Variants in PPFIA4 observed in about 807,000 individuals in gnomAD.
The protein encoded by PPFIA4 is PPFI scaffold protein A4, also known as liprin-alpha-4.
A neutral mutation model predicts 145.7 loss-of-function variants in PPFIA4; 98 were observed. That is an observed-to-expected ratio of 0.67 (90% CI 0.57 to 0.80). PPFIA4 has a LOEUF of 0.80. PPFIA4 is among the 30% of genes least tolerant of loss of function. PPFIA4 has a pLI of 0.00. For synonymous variants in PPFIA4, 628 were observed against 649.6 expected, an observed-to-expected ratio of 0.97 and a Z score of 0.51; for missense variants, 1,457 against 1,632.7, an observed-to-expected ratio of 0.89 and a Z score of 1.85.
At position 203,048,836 on chromosome 1, in the gene PPFIA4, G is replaced by T. The variant is rs1660281893; in HGVS notation, c.1357-82G>T. 6.5e-7 allele frequency: 1 copy of T among 1,532,182 alleles called. No individual in the cohort carries two copies. Among genetic ancestry groups the T allele is most frequent in the South Asian group, 1.2e-5 (1 of 81,986 alleles). The allele number at this position is 1,532,182 out of a possible 1,614,324, so 94.9% of individuals were successfully genotyped here. A position where few individuals can be genotyped will look rare whatever the true frequency, so the allele number is the denominator to read the frequency against. On this transcript the variant is annotated intron_variant, in intron 11 of 29. Coordinates refer to ENST00000295706, the MANE Select transcript of PPFIA4 (RefSeq NM_001304331.2). The surrounding 1 kb of genome is among the most constrained non-coding windows in gnomAD (Gnocchi z 5.8). The stretch of plus-strand genomic sequence containing the variant: ...GGTGGGTGGCCAGCCTGGAGAGGTG[G>T]GGCTGAGACTGCACACCCAGAGGCT...
chr1:203,035,664 C>T (rs1001943213), intron 1 of PPFIA4: 8 of 456,566 alleles, frequency 1.8e-5, no homozygotes, highest in African/African-American at 4.0e-5. Flanking sequence ...AGAAATTGTG[C>T]GGGAGTTGAG....
At chr1:203,033,714 C>T (rs1220015046) in intron 1 of PPFIA4, among the ~76,000 whole-genome samples, 2 of 152,112 alleles carry the variant, frequency 1.3e-5, no homozygotes, top group African/African-American at 2.4e-5. Context: ...TGTGGTGGCT[C>T]ACACCTATAA....
intron 2 of PPFIA4, among the ~76,000 whole-genome samples, chr1:203,042,437 T>C (rs1252156298): frequency 6.6e-6 from 1 of 152,098 alleles, no homozygotes; most frequent in East Asian, 1.9e-4. Context: ...AGCCCTTGCT[T>C]GGTTGAGCAG....
In PPFIA4 at chr1:203,039,056, C is replaced by T. The variant is rs1659500864; in HGVS notation, c.48C>T (p.Pro16=). ...TCAATGAGGGGGACCGCCTGGGTCC[C>T]CCTCATGGCGCCGATGCTGACGCCA... ...PTINEGDRLG[P]PHGADADANF... Residue 16 remains proline, a synonymous_variant, in exon 2 of 30, where the codon CCC becomes CCT. Transcript: ENST00000295706. The T allele has an allele frequency of 6.3e-7, 1 of 1,599,728 alleles. No homozygotes were observed. Among genetic ancestry groups the T allele is most frequent in the Non-Finnish European group, 8.5e-7 (1 of 1,173,834 alleles).
chr1:203,061,471 C>T (rs1036100552), intron 23 of PPFIA4, 181 bp from the exon 24 acceptor site: 12 of 596,942 alleles, frequency 2.0e-5, no homozygotes, highest in Admixed American at 7.2e-5. Flanking sequence ...CCCACCTCAA[C>T]GCAAACATGG....
intron 13 of PPFIA4, among the ~76,000 whole-genome samples, chr1:203,050,335 G>T (rs1660414727): frequency 6.6e-6 from 1 of 152,302 alleles, no homozygotes; most frequent in Non-Finnish European, 1.5e-5. Flanking sequence ...CCCATGTTTA[G>T]GGAACCTCGG....
chr1:203,054,595 T>C (rs1660772122), intron 15 of PPFIA4, among the ~76,000 whole-genome samples: 2 of 151,692 alleles, frequency 1.3e-5, no homozygotes, highest in Admixed American at 6.6e-5. Flanking sequence ...TGAGCTGGAG[T>C]GTATCAGAGC....
At chr1:203,053,535 AAAAC>A (rs1404413251) in intron 14 of PPFIA4, among the ~76,000 whole-genome samples, 6 of 106,414 alleles carry the variant, frequency 5.6e-5, no homozygotes, top group Non-Finnish European at 1.0e-4. Context: ...TCCATCTCAA[AAAAC>A]AAACAAACCA....
chr1:203,045,270 C>A, intron 6 of PPFIA4, 98 bp from the exon 7 acceptor site: 2 of 1,110,148 alleles, frequency 1.8e-6, no homozygotes, highest in Non-Finnish European at 2.5e-6. Flanking sequence ...CCTTGACCTG[C>A]TCTGGGTGTG....
chr1:203,059,201 A>T lies in PPFIA4; in HGVS notation c.2431A>T (p.Ser811Cys). ...AGTTCTGCTAACAGACTCCGAATTC[A>T]GTATGCAGGAGCCTATGGTGCCTGC... ...GHVLLTDSEF[S>C]MQEPMVPAKL... The change falls in exon 20 of 30, where the codon AGT (serine) becomes TGT (cysteine). Residue 811 changes from serine (S) to cysteine (C), a missense_variant. Transcript: ENST00000295706. The T allele has an allele frequency of 6.5e-7, 1 of 1,543,094 alleles. No individual in the cohort carries two copies. The highest frequency in any genetic ancestry group is 8.8e-7 in the Non-Finnish European group (1 of 1,131,772).
chr1:203,053,226 T>C (rs1276187645), intron 14 of PPFIA4, among the ~76,000 whole-genome samples: 2 of 152,220 alleles, frequency 1.3e-5, no homozygotes, highest in African/African-American at 2.4e-5. Context: ...TAGACTGTAA[T>C]GTGCAAACAA....
chr1:203,043,828 G>A lies in PPFIA4; in HGVS notation c.337-103G>A. ...ATTTCAGTGTTTTCACAGTGGGGTGGCTGTAACTCATGTCTGCTCGGGGAT... is the reference window on the plus strand; with the variant it reads ...ATTTCAGTGTTTTCACAGTGGGGTGACTGTAACTCATGTCTGCTCGGGGAT... On this transcript the variant is annotated intron_variant, in intron 3 of 29. Coordinates refer to ENST00000295706, the MANE Select transcript of PPFIA4 (RefSeq NM_001304331.2). The surrounding 1 kb of genome is among the most constrained non-coding windows in gnomAD (Gnocchi z 4.4). 2 of 1,175,056 alleles carry A rather than the reference G, an allele frequency of 1.7e-6. No homozygotes were observed. Among genetic ancestry groups the A allele is most frequent in the Non-Finnish European group, 2.4e-6 (2 of 846,882 alleles). The allele number at this position is 1,175,056 out of a possible 1,614,324, so 72.8% of individuals were successfully genotyped here.
intron 5 of PPFIA4, 46 bp from the exon 6 acceptor site, chr1:203,044,650 G>T: frequency 6.6e-7 from 1 of 1,509,564 alleles, no homozygotes; most frequent in Non-Finnish European, 8.9e-7. Flanking sequence ...ATGTATGGGA[G>T]GTTCTCTTCT....
In PPFIA4 at chr1:203,045,500, C is replaced by T. The variant is rs781240808; in HGVS notation, c.799C>T (p.Arg267Cys). 61 of 1,608,112 alleles carry T rather than the reference C, an allele frequency of 3.8e-5. No homozygotes were observed. The highest frequency in any genetic ancestry group is 6.7e-5 in the Admixed American group (4 of 59,314). ...ACTCGAGGAGGACCTGGGCACGGCC[C>T]GCCGGGACCTCATCAAGTCGGAGGA... ...TELEEDLGTA[R>C]RDLIKSEELS... Residue 267 changes from arginine (R) to cysteine (C), a missense_variant, in exon 7 of 30, where the codon CGC (arginine) becomes TGC (cysteine). By Grantham distance (180) the Arg-to-Cys change is radical (BLOSUM62 -3). Around this residue, in one of 3 missense-constraint regions of PPFIA4, gnomAD observed 463 missense variants for 459.8 expected, o/e 1.01. Coordinates refer to ENST00000295706, the MANE Select transcript of PPFIA4 (RefSeq NM_001304331.2).
Position 203,068,518 on chromosome 1 carries a change from G to T in PPFIA4, c.3214G>T (p.Ala1072Ser), listed in dbSNP as rs201726405. Residue 1072 changes from alanine to serine, a missense_variant, in exon 27 of 30, where the codon GCA (alanine) becomes TCA (serine). Ala to Ser is a moderately conservative substitution (Grantham distance 99). Coordinates refer to ENST00000295706, the MANE Select transcript of PPFIA4 (RefSeq NM_001304331.2). The surrounding 1 kb of genome is among the most constrained non-coding windows in gnomAD (Gnocchi z 4.7). ...CCAGTCTATTGGGCTCCGGGACTAC[G>T]CAGGAAACCTGCATGAGAGTGGTGT... The part of the protein sequence containing the change: ...WVQSIGLRDY[A>S]GNLHESGVHG... 4.4e-6 allele frequency: 7 copies of T among 1,608,748 alleles called. No individual in the cohort carries two copies. The highest frequency in any genetic ancestry group is 5.9e-6 in the Non-Finnish European group (7 of 1,177,692).
chr1:203,055,876 G>A lies in PPFIA4; in HGVS notation c.2070+204G>A, dbSNP rs112453902. Among the ~76,000 whole-genome samples, 2,210 of 152,210 alleles carry A rather than the reference G, an allele frequency of 0.015. 56 individuals are homozygous for A. The highest frequency in any genetic ancestry group is 0.049 in the African/African-American group (2,020 of 41,510). The stretch of plus-strand genomic sequence containing the variant: ...CATATCTTCTTTGCCCTCTCCCTTG[G>A]ATGAGCCCAGACTGCTTAAGAAACT... On this transcript the variant is annotated intron_variant, in intron 16 of 29. Transcript: ENST00000295706. This position sits in a 1 kb window ranked among gnomAD's most constrained non-coding sequence, Gnocchi z 4.8.
chr1:203,046,433 T>C, intron 9 of PPFIA4, 51 bp downstream of exon 9: 1 of 1,526,046 alleles, frequency 6.6e-7, no homozygotes, highest in Non-Finnish European at 8.8e-7. Flanking sequence ...TGTTCTGAGC[T>C]CTCAGGGAGC....
intron 9 of PPFIA4, 122 bp downstream of exon 9, chr1:203,046,504 G>A (rs764505911): frequency 3.2e-5 from 38 of 1,182,964 alleles, no homozygotes; most frequent in East Asian, 7.7e-5. Flanking sequence ...ACTGCTTCCC[G>A]CCGTGTGATT....
At position 203,045,438 on chromosome 1, in the gene PPFIA4, G is replaced by C. The variant is rs746198342; in HGVS notation, c.737G>C (p.Arg246Pro). 1 of 1,609,516 alleles carries C rather than the reference G, an allele frequency of 6.2e-7. No homozygotes were observed. Among genetic ancestry groups the C allele is most frequent in the East Asian group, 2.2e-5 (1 of 44,700 alleles). ...CAGAACTTTGAGTTGAGCCAGGCCC[G>C]GGAGCGACTGGTCACCCTAACAACA... Reference protein sequence around the residue: ...EKQNFELSQARERLVTLTTTV... With the variant: ...EKQNFELSQAPERLVTLTTTV... The change falls in exon 7 of 30, where the codon CGG becomes CCG. Residue 246 changes from arginine (R) to proline (P), a missense_variant. By Grantham distance (103) the Arg-to-Pro change is moderately radical. Coordinates refer to ENST00000295706, the MANE Select transcript of PPFIA4 (RefSeq NM_001304331.2).
Sources: allele counts gnomAD v4.1 joint callset (sites outside exome capture counted in the v4.1 genomes callset), GRCh38; gene constraint gnomAD v4.1.1; regional missense constraint gnomAD v4.1.1; non-coding constraint Gnocchi (gnomAD v3.1); transcripts MANE v1.5; gene names NCBI Gene and HGNC (gene_info 2026-07-23, HGNC 2026-07-21).